CSTA: variants seen among roughly 807,000 people sequenced by gnomAD.
The protein encoded by CSTA is cystatin A, also known as cystatin-A.
A neutral mutation model predicts 9.2 loss-of-function variants in CSTA; 9 were observed. The observed-to-expected ratio is 0.97, with a 90% CI of 0.59 to 1.70. CSTA has a LOEUF of 1.70. Ranked by LOEUF, CSTA falls within the 40% of genes most tolerant of loss-of-function variation. CSTA has a pLI of 0.00. For synonymous variants in CSTA, 36 were observed against 40.6 expected (o/e 0.89, Z 0.43); for missense variants, 118 against 113.1 (o/e 1.04, Z -0.20).
Position 122,328,890 on chromosome 3 carries a change from G to A in CSTA, c.66+3532G>A, listed in dbSNP as rs562569216. On this transcript the variant is annotated intron_variant, in intron 1 of 2. Coordinates refer to ENST00000264474, the MANE Select transcript of CSTA (RefSeq NM_005213.4). ...CAGGAGGTGGAGGTTGGAGTGAGCC[G>A]AGACTGTGCCACTGCACTCCAGCCT... 7.9e-4 allele frequency among the ~76,000 whole-genome samples: 119 copies of A among 149,868 alleles called. 1 individual carries two copies. In the South Asian group the frequency reaches 0.01, roughly 13 times the overall value.
At chr3:122,335,958 TACACACACACACACACAC>T (rs55707796) in intron 1 of CSTA, among the ~76,000 whole-genome samples, 1 of 147,554 alleles carries the variant, frequency 6.8e-6, no homozygotes, top group African/African-American at 2.5e-5. Context: ...ATCAGAGGAA[TACACACACACACACACAC>T]ACACACACAC....
intron 1 of CSTA, among the ~76,000 whole-genome samples, chr3:122,331,392 A>G (rs1210523488): frequency 6.6e-6 from 1 of 152,040 alleles, no homozygotes; most frequent in Non-Finnish European, 1.5e-5. Flanking sequence ...CCACACCAGA[A>G]TCCTTCAGGC....
rs1167264783 is a variant in CSTA, at chr3:122,340,310, T to G, written c.169-1129T>G. ...AGTAAAACCCCTTAGCTTTTTTTTT[T>G]CTTTTCTTTTTTGAGACGGAGTTTC... On this transcript the variant is annotated intron_variant, in intron 2 of 2. Coordinates refer to ENST00000264474, the MANE Select transcript of CSTA (RefSeq NM_005213.4). Among the ~76,000 whole-genome samples the G allele has an allele frequency of 3.3e-5, 5 of 152,220 alleles. No homozygotes were observed. In the East Asian group the frequency reaches 9.6e-4, roughly 29 times the overall value.
In CSTA at chr3:122,337,655, G is replaced by A. The variant is rs2075243334; in HGVS notation, c.168+7G>A. On this transcript the variant is annotated splice_region_variant and intron_variant, in intron 2 of 2. Transcript: ENST00000264474. ...AACAAATTACTACATTAAGGTTAGA[G>A]TTCAGCACCTACTTTAGCGCCAAAA... 6.6e-7 allele frequency: 1 copy of A among 1,522,396 alleles called. No homozygotes were observed. Among genetic ancestry groups the A allele is most frequent in the Non-Finnish European group, 9.1e-7 (1 of 1,096,100 alleles). 94.3% of individuals were successfully genotyped at this position (1,522,396 alleles called of 1,614,324 possible).
rs568048208 is a variant in CSTA, at chr3:122,340,842, C to G, written c.169-597C>G. On this transcript the variant is annotated intron_variant, in intron 2 of 2. Coordinates refer to ENST00000264474, the MANE Select transcript of CSTA (RefSeq NM_005213.4). ...CTATCACTTGTTTTCTTGCTCCATG[C>G]ATCTTTGAAAATAAAATGCTGTCCT... is the stretch of plus-strand genomic sequence containing the variant. Among the ~76,000 whole-genome samples, 4 of 152,206 alleles carry G rather than the reference C, an allele frequency of 2.6e-5. No homozygotes were observed. In the South Asian group the frequency reaches 8.3e-4, roughly 32 times the overall value.
Position 122,341,501 on chromosome 3 carries a change from T to G in CSTA, c.231T>G (p.Asn77Lys). 2 of 1,614,068 alleles carry G rather than the reference T, an allele frequency of 1.2e-6. No homozygotes were observed. Among genetic ancestry groups the G allele is most frequent in the Non-Finnish European group, 1.7e-6 (2 of 1,179,976 alleles). ...TATTCAAAAGTCTTCCCGGACAAAA[T>G]GAGGACTTGGTACTTACTGGATACC... ...LKVFKSLPGQ[N>K]EDLVLTGYQV... is the part of the protein sequence containing the mutation. Residue 77 changes from asparagine to lysine, a missense_variant, in exon 3 of 3, where the codon AAT becomes AAG. By Grantham distance (94) the Asn-to-Lys change is moderately conservative (BLOSUM62 0). Transcript: ENST00000264474.
At chr3:122,333,766 G>T (rs576564762) in intron 1 of CSTA, among the ~76,000 whole-genome samples, 38 of 152,166 alleles carry the variant, frequency 2.5e-4, no homozygotes, top group African/African-American at 8.9e-4. Context: ...AAGGCTGGTT[G>T]GCTTAGGATA....
chr3:122,327,246 A>G (rs960609675), intron 1 of CSTA, among the ~76,000 whole-genome samples: 8 of 148,716 alleles, frequency 5.4e-5, no homozygotes, highest in Non-Finnish European at 1.2e-4. Flanking sequence ...AAAAAAAAAA[A>G]GGGCCAGGCG....
intron 1 of CSTA, among the ~76,000 whole-genome samples, chr3:122,335,200 C>A (rs1339563798): frequency 2.6e-5 from 4 of 152,152 alleles, no homozygotes; most frequent in Non-Finnish European, 5.9e-5. Context: ...ACATTTAAAC[C>A]CAACCCATAT....
At chr3:122,341,329 C>T in intron 2 of CSTA, 110 bp from the exon 3 acceptor site, 1 of 1,119,058 alleles carries the variant, frequency 8.9e-7, no homozygotes. Context: ...CAATGCTGTT[C>T]CTCAGCAGCT....
intron 2 of CSTA, among the ~76,000 whole-genome samples, chr3:122,338,710 C>T (rs915063669): frequency 6.6e-6 from 1 of 152,112 alleles, no homozygotes; most frequent in African/African-American, 2.4e-5. Context: ...AATCTGCTTT[C>T]TTCATGGCTG....
intron 2 of CSTA, chr3:122,338,361 T>C (rs1414419142): frequency 6.6e-6 from 1 of 152,204 alleles, no homozygotes; most frequent in Non-Finnish European, 1.5e-5. Flanking sequence ...ATGATAATGC[T>C]GATTTTAAAA....
chr3:122,331,297 A>G lies in CSTA; in HGVS notation c.66+5939A>G, dbSNP rs957838250. On this transcript the variant is annotated intron_variant, in intron 1 of 2. Transcript: ENST00000264474. ...GCATGTCATGGCTCTCACCCCATCC[A>G]CAAATTTGCATTCCCCTCTCTGACC... Among the ~76,000 whole-genome samples the G allele has an allele frequency of 2.0e-5, 3 of 151,972 alleles. No individual in the cohort carries two copies. In the East Asian group the frequency reaches 5.8e-4, roughly 29 times the overall value.
chr3:122,336,793 A>G (rs1185246102), intron 1 of CSTA, among the ~76,000 whole-genome samples: 2 of 152,252 alleles, frequency 1.3e-5, no homozygotes, highest in Non-Finnish European at 2.9e-5. Flanking sequence ...GATAGGATGC[A>G]CTTAAGCACA....
chr3:122,328,764 T>G (rs1054139305), intron 1 of CSTA, among the ~76,000 whole-genome samples: 2 of 151,222 alleles, frequency 1.3e-5, no homozygotes, highest in Non-Finnish European at 2.9e-5. Context: ...AGCTTTCTAC[T>G]TTCTAGTTTT....
chr3:122,327,453 C>T (rs1212564853), intron 1 of CSTA, among the ~76,000 whole-genome samples: 5 of 136,130 alleles, frequency 3.7e-5, no homozygotes, highest in South Asian at 2.5e-4. Context: ...GGCGTGAACC[C>T]GGGAGGTGGA....
chr3:122,329,354 G>C (rs753289345), intron 1 of CSTA, among the ~76,000 whole-genome samples: 1 of 152,110 alleles, frequency 6.6e-6, no homozygotes, highest in Non-Finnish European at 1.5e-5. Context: ...CGGGCAGATT[G>C]CTTGATCTGG....
At chr3:122,325,977 G>T (rs191627016) in intron 1 of CSTA, among the ~76,000 whole-genome samples, 31 of 152,248 alleles carry the variant, frequency 2.0e-4, no homozygotes, top group African/African-American at 7.5e-4. Context: ...ACTCAATGTT[G>T]TTAGCAGATT....
At chr3:122,335,308 GCAGGTGT>G (rs754495838) in intron 1 of CSTA, among the ~76,000 whole-genome samples, 90 of 152,278 alleles carry the variant, frequency 5.9e-4, no homozygotes, top group Non-Finnish European at 1.1e-3. Context: ...AAGAGACTTT[GCAGGTGT>G]GATTAAGTTA....
Sources: allele counts gnomAD v4.1 joint callset (sites outside exome capture counted in the v4.1 genomes callset), GRCh38; gene constraint gnomAD v4.1.1; transcripts MANE v1.5; gene names NCBI Gene and HGNC (gene_info 2026-07-23, HGNC 2026-07-21).